Variants in DTD1 observed in about 807,000 individuals in gnomAD.
DTD1 encodes the protein D-aminoacyl-tRNA deacylase 1, also known as D-tyrosyl-tRNA deacylase 1 homolog.
A neutral mutation model predicts 25.6 loss-of-function variants in DTD1; 13 were observed. That is an observed-to-expected ratio of 0.51 (90% confidence interval 0.33 to 0.81). The LOEUF (loss-of-function observed/expected upper bound fraction) is 0.81, where lower values mean the gene tolerates loss of function less well. Ranked by LOEUF, DTD1 falls within the 30% of genes least tolerant of loss-of-function variation. DTD1 has a pLI of 0.02. For synonymous variants in DTD1, 110 were observed against 103.6 expected, an observed-to-expected ratio of 1.06 and a Z score of -0.37; for missense variants, 193 against 266.4, an observed-to-expected ratio of 0.72 and a Z score of 1.92.
chr20:18,750,871 T>C (rs912206130), intron 5 of DTD1, among the ~76,000 whole-genome samples: 16 of 152,358 alleles, frequency 1.1e-4, no homozygotes, highest in Admixed American at 4.6e-4. Context: ...ACTTAGCTGC[T>C]GTAATTAGGG....
In DTD1 at chr20:18,661,782, A is replaced by C. The variant is rs564249154; in HGVS notation, c.477+33549A>C. Reference sequence around the variant, plus strand: ...GCACCTACAAATCAATAAGGAAAAAAAGGCTGAAGAGCCATAGGAAACGGA... The same window carrying C: ...GCACCTACAAATCAATAAGGAAAAACAGGCTGAAGAGCCATAGGAAACGGA... On this transcript the variant is annotated intron_variant, in intron 4 of 5. Transcript: ENST00000377452. 3.3e-5 allele frequency among the ~76,000 whole-genome samples: 5 copies of C among 152,360 alleles called. No individual in the cohort carries two copies. In the East Asian group the frequency reaches 9.6e-4, roughly 29 times the overall value.
In DTD1 at chr20:18,736,624, A is replaced by G. The variant is rs568287502; in HGVS notation, c.478-7476A>G. On this transcript the variant is annotated intron_variant, in intron 4 of 5. Transcript: ENST00000377452. ...GCCACCCCCTCTCCTTGCCCTGGGC[A>G]TATCATGTACAGAAAAACAGACCTT... Among the ~76,000 whole-genome samples, 39 of 152,338 alleles carry G rather than the reference A, an allele frequency of 2.6e-4. No individual in the cohort carries two copies. The South Asian group carries it at 6.2e-3, about 24-fold the overall frequency.
At chr20:18,724,637 T>C (rs1429432195) in intron 4 of DTD1, among the ~76,000 whole-genome samples, 1 of 152,258 alleles carries the variant, frequency 6.6e-6, no homozygotes, top group Admixed American at 6.5e-5. Context: ...CCATAGTTTA[T>C]GTATCAAGTT....
chr20:18,627,295 CAG>C (rs749226873), intron 3 of DTD1, among the ~76,000 whole-genome samples: 10 of 152,204 alleles, frequency 6.6e-5, no homozygotes, highest in Non-Finnish European at 1.5e-4. Flanking sequence ...GTGGCAGGAA[CAG>C]AGACTCATGG....
At chr20:18,707,185 C>T (rs1226050733) in intron 4 of DTD1, among the ~76,000 whole-genome samples, 4 of 152,240 alleles carry the variant, frequency 2.6e-5, no homozygotes, top group African/African-American at 9.6e-5. Context: ...CTCCCTTAGA[C>T]ATGGTCAGGA....
intron 5 of DTD1, among the ~76,000 whole-genome samples, chr20:18,752,720 A>G (rs1232775627): frequency 6.6e-6 from 1 of 152,154 alleles, no homozygotes; most frequent in African/African-American, 2.4e-5. Context: ...CTGACCTTGA[A>G]TCTGTAACTG....
chr20:18,664,031 T>C (rs551174795), intron 4 of DTD1, among the ~76,000 whole-genome samples: 1 of 152,312 alleles, frequency 6.6e-6, no homozygotes, highest in Non-Finnish European at 1.5e-5. Flanking sequence ...GTTTGTAGCC[T>C]AGGAGCAATA....
chr20:18,686,637 A>G (rs1047836245), intron 4 of DTD1, among the ~76,000 whole-genome samples: 1 of 138,980 alleles, frequency 7.2e-6, no homozygotes, highest in African/African-American at 2.7e-5. Flanking sequence ...TTAAACATAT[A>G]TTTATTAGCT....
chr20:18,619,562 C>T (rs534843481), intron 3 of DTD1, among the ~76,000 whole-genome samples: 78 of 152,156 alleles, frequency 5.1e-4, no homozygotes, highest in African/African-American at 1.6e-3. Context: ...GTAGCTAGGA[C>T]TACAGGTGCA....
chr20:18,639,583 G>C (rs1347439106), intron 4 of DTD1, among the ~76,000 whole-genome samples: 1 of 152,112 alleles, frequency 6.6e-6, no homozygotes, highest in Non-Finnish European at 1.5e-5. Flanking sequence ...GCTGCTAGCT[G>C]GTCAAGAGTC....
At chr20:18,653,875 G>T (rs1456113200) in intron 4 of DTD1, among the ~76,000 whole-genome samples, 1 of 152,200 alleles carries the variant, frequency 6.6e-6, no homozygotes, top group Non-Finnish European at 1.5e-5. Flanking sequence ...TCAAATCCAT[G>T]CACATGACCC....
At chr20:18,591,979 G>A (rs576931746) in intron 1 of DTD1, among the ~76,000 whole-genome samples, 33 of 152,270 alleles carry the variant, frequency 2.2e-4, no homozygotes, top group South Asian at 1.5e-3. Context: ...TAAAAATAAA[G>A]AAATTAAGCA....
At chr20:18,740,669 T>G (rs1216486170) in intron 4 of DTD1, among the ~76,000 whole-genome samples, 1 of 152,230 alleles carries the variant, frequency 6.6e-6, no homozygotes, top group African/African-American at 2.4e-5. Context: ...ATTGCTTAAT[T>G]TTTTAAATTA....
intron 4 of DTD1, among the ~76,000 whole-genome samples, chr20:18,723,302 TAG>T (rs1228853746): frequency 1.3e-5 from 2 of 152,298 alleles, no homozygotes; most frequent in East Asian, 1.9e-4. Context: ...ACCTCTAGCC[TAG>T]AGCCCCTGCA....
intron 5 of DTD1, among the ~76,000 whole-genome samples, chr20:18,752,365 G>A (rs2061324221): frequency 6.6e-6 from 1 of 152,002 alleles, no homozygotes; most frequent in South Asian, 2.1e-4. Context: ...TGGATAGTCT[G>A]TTCTTTTTTT....
At chr20:18,721,764 A>G (rs1314680176) in intron 4 of DTD1, among the ~76,000 whole-genome samples, 1 of 152,042 alleles carries the variant, frequency 6.6e-6, no homozygotes, top group Non-Finnish European at 1.5e-5. Flanking sequence ...TATTTTAGAT[A>G]TGTTCTACAG....
chr20:18,708,222 T>C (rs190510513), intron 4 of DTD1, among the ~76,000 whole-genome samples: 11,102 of 21,942 alleles, frequency 0.51, 2,118 homozygotes, highest in East Asian at 0.61. Flanking sequence ...ATATATAATA[T>C]ATATATATTT....
chr20:18,635,843 T>C (rs1466206757), intron 4 of DTD1, among the ~76,000 whole-genome samples: 2 of 152,208 alleles, frequency 1.3e-5, no homozygotes, highest in Non-Finnish European at 2.9e-5. Context: ...TCAATTGACT[T>C]TCACCTTACC....
At chr20:18,757,513 G>C (rs2061344035) in intron 5 of DTD1, among the ~76,000 whole-genome samples, 1 of 152,198 alleles carries the variant, frequency 6.6e-6, no homozygotes. Context: ...GGCCTGTTCT[G>C]CATCTATTGA....
Sources: allele counts gnomAD v4.1 joint callset (sites outside exome capture counted in the v4.1 genomes callset), GRCh38; gene constraint gnomAD v4.1.1; transcripts MANE v1.5; gene names NCBI Gene and HGNC (gene_info 2026-07-23, HGNC 2026-07-21).